ZFYVE9: variants seen among roughly 807,000 people sequenced by gnomAD.
The protein encoded by ZFYVE9 is zinc finger FYVE domain-containing protein 9.
ZFYVE9 carries 43 observed loss-of-function variants against 126.7 expected under a neutral mutation model. The ratio of observed to expected loss-of-function variants is 0.34; its 90% confidence interval spans 0.27 to 0.44. The LOEUF is 0.44. Ranked by LOEUF, ZFYVE9 falls within the 20% of genes least tolerant of loss-of-function variation. ZFYVE9 has a pLI of 1.00. For missense variants in ZFYVE9, 1,476 were observed against 1,697.0 expected (o/e 0.87, Z 2.29); for synonymous variants, 521 against 597.4 (o/e 0.87, Z 1.87).
intron 1 of ZFYVE9, among the ~76,000 whole-genome samples, chr1:52,206,995 A>C (rs1022095607): frequency 6.6e-6 from 1 of 152,254 alleles, no homozygotes; most frequent in Non-Finnish European, 1.5e-5. Context: ...GCATGTATTT[A>C]TATCATGGGG....
At chr1:52,307,981 T>C (rs1031886960) in intron 13 of ZFYVE9, among the ~76,000 whole-genome samples, 4 of 151,808 alleles carry the variant, frequency 2.6e-5, no homozygotes, top group Non-Finnish European at 4.4e-5. Context: ...CTCGATCTCC[T>C]GACCTCGTGA....
chr1:52,318,382 G>A (rs1488985166), intron 13 of ZFYVE9, among the ~76,000 whole-genome samples: 4 of 131,760 alleles, frequency 3.0e-5, no homozygotes, highest in East Asian at 3.3e-4. Flanking sequence ...GTGTGTGTGT[G>A]TGTGTGTGTG....
chr1:52,252,790 T>C (rs562170706), intron 4 of ZFYVE9: 2 of 402,460 alleles, frequency 5.0e-6, no homozygotes, highest in East Asian at 1.5e-4. Flanking sequence ...GCTCCCCTAC[T>C]GCACCAGGAG....
chr1:52,272,671 A>ATTTTTTTTTTTTTTTTTT (rs1645704660), intron 7 of ZFYVE9, among the ~76,000 whole-genome samples: 2 of 134,844 alleles, frequency 1.5e-5, no homozygotes, highest in African/African-American at 3.3e-5. Flanking sequence ...GCTAGAAATA[A>ATTTTTTTTTTTTTTTTTT]TCTTTTTTTT....
intron 4 of ZFYVE9, among the ~76,000 whole-genome samples, chr1:52,247,139 T>C (rs1645394466): frequency 6.6e-6 from 1 of 152,154 alleles, no homozygotes; most frequent in Non-Finnish European, 1.5e-5. Flanking sequence ...TGCCTTTGAT[T>C]TTAAAACATG....
chr1:52,182,902 A>AT (rs1197225530), intron 1 of ZFYVE9, among the ~76,000 whole-genome samples: 1 of 152,082 alleles, frequency 6.6e-6, no homozygotes, highest in Non-Finnish European at 1.5e-5. Flanking sequence ...CCTAGTCACT[A>AT]TTTTTTGACA....
At chr1:52,203,235 G>A (rs1382842543) in intron 1 of ZFYVE9, among the ~76,000 whole-genome samples, 1 of 151,890 alleles carries the variant, frequency 6.6e-6, no homozygotes, top group Non-Finnish European at 1.5e-5. Context: ...AGACTGGAGT[G>A]CAGTGGCCTG....
At chr1:52,263,676 G>A (rs1170488644) in intron 4 of ZFYVE9, 97 bp from the exon 5 acceptor site, 1 of 571,758 alleles carries the variant, frequency 1.7e-6, no homozygotes, top group South Asian at 3.1e-5. Context: ...GTTTAATAAG[G>A]TTCACTGACA....
At chr1:52,219,657 T>TA (rs1367131957) in intron 2 of ZFYVE9, among the ~76,000 whole-genome samples, 1 of 151,946 alleles carries the variant, frequency 6.6e-6, no homozygotes, top group Non-Finnish European at 1.5e-5. Context: ...AATATATATA[T>TA]TTTTAGAAAC....
At chr1:52,165,024 A>G (rs1644500070) in intron 1 of ZFYVE9, among the ~76,000 whole-genome samples, 1 of 152,208 alleles carries the variant, frequency 6.6e-6, no homozygotes, top group African/African-American at 2.4e-5. Flanking sequence ...ATGGTTGCAC[A>G]ACTGTGTGGA....
chr1:52,168,558 C>A (rs1032174302), intron 1 of ZFYVE9, among the ~76,000 whole-genome samples: 1 of 149,012 alleles, frequency 6.7e-6, no homozygotes, highest in African/African-American at 2.5e-5. Flanking sequence ...TGCTCTGTAG[C>A]CCAGGCTGGA....
Position 52,239,601 on chromosome 1 carries a change from T to A in ZFYVE9, c.2178+6T>A. The A allele has an allele frequency of 6.2e-7, 1 of 1,607,140 alleles. No individual in the cohort carries two copies. The highest frequency in any genetic ancestry group is 8.5e-7 in the Non-Finnish European group (1 of 1,175,276). On this transcript the variant is annotated splice_donor_region_variant and intron_variant, in intron 4 of 18. Coordinates refer to ENST00000287727, the MANE Select transcript of ZFYVE9 (RefSeq NM_004799.4). ...ACTGCAGAGCATGTGGGAAGGTAAG[T>A]TGCATGTATACACTCAGAAATCGGG... is the stretch of plus-strand genomic sequence containing the variant.
intron 7 of ZFYVE9, among the ~76,000 whole-genome samples, chr1:52,273,941 A>G (rs940712534): frequency 3.2e-4 from 49 of 152,252 alleles, no homozygotes; most frequent in African/African-American, 1.1e-3. Flanking sequence ...ATTAACATAT[A>G]TAACAAATGA....
At chr1:52,208,414 G>A (rs551789383) in intron 1 of ZFYVE9, among the ~76,000 whole-genome samples, 18 of 151,718 alleles carry the variant, frequency 1.2e-4, no homozygotes, top group African/African-American at 3.4e-4. Flanking sequence ...GTAAAATATC[G>A]AACTAATAGG....
At chr1:52,184,981 C>G (rs1644751621) in intron 1 of ZFYVE9, among the ~76,000 whole-genome samples, 1 of 152,156 alleles carries the variant, frequency 6.6e-6, no homozygotes, top group Non-Finnish European at 1.5e-5. Flanking sequence ...TACTGAGTCT[C>G]TATCTCTAAG....
At chr1:52,234,878 C>A (rs536872490) in intron 3 of ZFYVE9, among the ~76,000 whole-genome samples, 1 of 152,258 alleles carries the variant, frequency 6.6e-6, no homozygotes, top group East Asian at 1.9e-4. Flanking sequence ...CTGTGTATCA[C>A]AGTTCTTTGA....
chr1:52,252,437 G>A lies in ZFYVE9; in HGVS notation c.2179-11336G>A, dbSNP rs531940865. 7 of 160,054 alleles carry A rather than the reference G, an allele frequency of 4.4e-5. No individual in the cohort carries two copies. The South Asian group carries it at 1.0e-3, about 23-fold the overall frequency. 9.9% of individuals were successfully genotyped at this position (160,054 alleles called of 1,614,324 possible). ...TGCGATAGCGCAATCTCGGCTCACC[G>A]CAACCTCTGCCTCCTGGGTTCAAGT... On this transcript the variant is annotated intron_variant, in intron 4 of 18. Transcript: ENST00000287727.
intron 17 of ZFYVE9, among the ~76,000 whole-genome samples, chr1:52,343,078 T>C (rs1415907565): frequency 3.3e-5 from 5 of 151,584 alleles, no homozygotes; most frequent in African/African-American, 1.2e-4. Context: ...GGCTAATTTT[T>C]TTTGTTTTTT....
chr1:52,179,684 A>G (rs12044940), intron 1 of ZFYVE9, among the ~76,000 whole-genome samples: 9,720 of 152,212 alleles, frequency 0.064, 860 homozygotes, highest in African/African-American at 0.19. Flanking sequence ...AGTCCACAAA[A>G]GGAGACAAAG....
Sources: allele counts gnomAD v4.1 joint callset (sites outside exome capture counted in the v4.1 genomes callset), GRCh38; gene constraint gnomAD v4.1.1; transcripts MANE v1.5; gene names NCBI Gene and HGNC (gene_info 2026-07-23, HGNC 2026-07-21).